The following CCDC178 variants were observed in gnomAD, a reference collection of about 807,000 sequenced individuals.
CCDC178 encodes the protein coiled-coil domain containing 178.
CCDC178 carries 126 observed loss-of-function variants against 117.4 expected under a neutral mutation model. The ratio of observed to expected loss-of-function variants is 1.07; its 90% confidence interval spans 0.93 to 1.24. The LOEUF (loss-of-function observed/expected upper bound fraction) is 1.24, where lower values mean the gene tolerates loss of function less well. Ranked by LOEUF, CCDC178 falls within the 50% of genes most tolerant of loss-of-function variation. The pLI is 0.00. For synonymous variants in CCDC178, 283 were observed against 313.4 expected, an observed-to-expected ratio of 0.90 and a Z score of 1.02; for missense variants, 1,030 against 986.9, an observed-to-expected ratio of 1.04 and a Z score of -0.59.
At chr18:33,151,137 A>C (rs2058337477) in intron 20 of CCDC178, among the ~76,000 whole-genome samples, 1 of 152,208 alleles carries the variant, frequency 6.6e-6, no homozygotes, top group African/African-American at 2.4e-5. Context: ...TATTGAGTAC[A>C]GTGTACACTG....
At chr18:33,364,120 A>G (rs1054532227) in intron 6 of CCDC178, among the ~76,000 whole-genome samples, 1 of 152,076 alleles carries the variant, frequency 6.6e-6, no homozygotes, top group Non-Finnish European at 1.5e-5. Context: ...CAGTTGTGCT[A>G]CCAGATGTGT....
rs534883878 is a variant in CCDC178, at chr18:33,105,758, C to A, written c.2239-12848G>T. ...TTTACTGTGTAATCTCTCTGTGTTG[C>A]ATTCCAGTTTACTTGTAGGTTTTCC... On this transcript the variant is annotated intron_variant, in intron 20 of 22. Coordinates refer to ENST00000383096, the MANE Select transcript of CCDC178 (RefSeq NM_001105528.4). Among the ~76,000 whole-genome samples the A allele has an allele frequency of 2.0e-5, 3 of 151,708 alleles. No homozygotes were observed. In the East Asian group the frequency reaches 5.9e-4, roughly 30 times the overall value.
chr18:33,171,833 A>G (rs1188365795), intron 20 of CCDC178, among the ~76,000 whole-genome samples: 2 of 152,156 alleles, frequency 1.3e-5, no homozygotes, highest in Non-Finnish European at 2.9e-5. Context: ...TGAATTTGCT[A>G]TATTTGCGAA....
intron 21 of CCDC178, among the ~76,000 whole-genome samples, chr18:33,002,152 T>A (rs2055649456): frequency 6.6e-6 from 1 of 152,140 alleles, no homozygotes; most frequent in South Asian, 2.1e-4. Context: ...AAATATCAGA[T>A]GTAATTTCCA....
At chr18:33,000,600 T>C (rs2055610274) in intron 21 of CCDC178, among the ~76,000 whole-genome samples, 1 of 152,022 alleles carries the variant, frequency 6.6e-6, no homozygotes, top group East Asian at 1.9e-4. Context: ...AGGAAACAAA[T>C]AGCATACAAT....
intron 11 of CCDC178, among the ~76,000 whole-genome samples, chr18:33,298,109 C>T (rs941503835): frequency 1.3e-4 from 19 of 151,692 alleles, no homozygotes; most frequent in African/African-American, 4.4e-4. Context: ...GAAAGGAACT[C>T]TCCCTAACTC....
intron 20 of CCDC178, among the ~76,000 whole-genome samples, chr18:33,141,674 G>A (rs914074591): frequency 2.7e-4 from 41 of 152,336 alleles, no homozygotes; most frequent in African/African-American, 9.6e-4. Flanking sequence ...CTCTGGGGAA[G>A]AAGTGAAGTT....
chr18:32,954,248 A>G (rs946322878), intron 22 of CCDC178, among the ~76,000 whole-genome samples: 3 of 152,110 alleles, frequency 2.0e-5, no homozygotes, highest in Non-Finnish European at 4.4e-5. Flanking sequence ...TTTATTCATC[A>G]AATATTTATA....
intron 20 of CCDC178, among the ~76,000 whole-genome samples, chr18:33,151,484 A>C (rs1469456156): frequency 1.1e-4 from 16 of 152,092 alleles, no homozygotes. Flanking sequence ...ATAAAAAAGC[A>C]AACGAAGTTA....
intron 14 of CCDC178, among the ~76,000 whole-genome samples, chr18:33,260,525 T>C (rs1437713100): frequency 6.6e-6 from 1 of 151,560 alleles, no homozygotes. Flanking sequence ...TATCAATTTA[T>C]CTTCTCAGAT....
chr18:33,303,446 CATAGAATGT>C (rs2062205868), intron 11 of CCDC178, among the ~76,000 whole-genome samples: 1 of 151,916 alleles, frequency 6.6e-6, no homozygotes, highest in African/African-American at 2.4e-5. Context: ...TTTCCAAACC[CATAGAATGT>C]ACATCATGAG....
chr18:33,308,931 A>T (rs1320932861), intron 11 of CCDC178, among the ~76,000 whole-genome samples: 2 of 152,174 alleles, frequency 1.3e-5, no homozygotes, highest in African/African-American at 4.8e-5. Context: ...TTTCTTTATA[A>T]ATTACCCAGT....
At chr18:33,410,092 T>C (rs912151216) in intron 3 of CCDC178, among the ~76,000 whole-genome samples, 1 of 152,232 alleles carries the variant, frequency 6.6e-6, no homozygotes, top group Non-Finnish European at 1.5e-5. Flanking sequence ...ACTTTCTAGC[T>C]TTTGCTTGCA....
intron 14 of CCDC178, among the ~76,000 whole-genome samples, chr18:33,248,774 A>G (rs542674498): frequency 2.6e-5 from 4 of 152,214 alleles, no homozygotes; most frequent in South Asian, 2.1e-4. Context: ...TCCTTCAGGT[A>G]TATACCCAGT....
intron 3 of CCDC178, among the ~76,000 whole-genome samples, chr18:33,406,018 G>A (rs2063775171): frequency 6.6e-6 from 1 of 152,020 alleles, no homozygotes; most frequent in South Asian, 2.1e-4. Flanking sequence ...GGCAAGAAAA[G>A]CTTCCTAGCT....
At chr18:33,034,919 T>C (rs2056414517) in intron 21 of CCDC178, among the ~76,000 whole-genome samples, 1 of 152,042 alleles carries the variant, frequency 6.6e-6, no homozygotes. Context: ...GCCAATATAA[T>C]ATAAAGTACA....
chr18:33,165,440 T>C (rs1051814168), intron 20 of CCDC178, among the ~76,000 whole-genome samples: 47 of 152,196 alleles, frequency 3.1e-4, no homozygotes, highest in Middle Eastern at 3.2e-3. Context: ...ATGCAAATAC[T>C]ATGCCATTGT....
intron 22 of CCDC178, among the ~76,000 whole-genome samples, chr18:32,967,778 T>C (rs2144677136): frequency 6.6e-6 from 1 of 151,876 alleles, no homozygotes; most frequent in African/African-American, 2.4e-5. Context: ...TTTTTAAATT[T>C]TATTTGAATG....
At chr18:33,318,297 A>T (rs569175898) in intron 11 of CCDC178, among the ~76,000 whole-genome samples, 1 of 152,192 alleles carries the variant, frequency 6.6e-6, no homozygotes. Flanking sequence ...TGGCTTTGTC[A>T]GTAAAATGAA....
Sources: gnomAD v4.1 joint callset for allele counts (sites outside exome capture counted in the v4.1 genomes callset) on GRCh38, gnomAD v4.1.1 for gene constraint, MANE v1.5 for transcripts, NCBI Gene and HGNC (gene_info 2026-07-23, HGNC 2026-07-21) for gene names.